Variants in CDH13 observed in about 807,000 individuals in gnomAD.
The protein encoded by CDH13 is cadherin 13.
A neutral mutation model predicts 63.8 loss-of-function variants in CDH13; 24 were observed. The observed-to-expected ratio is 0.38, with a 90% CI of 0.27 to 0.53. The LOEUF is 0.53. Ranked by LOEUF, CDH13 falls within the 20% of genes least tolerant of loss-of-function variation. The pLI is 0.85. For synonymous variants in CDH13, 503 were observed against 355.3 expected, an observed-to-expected ratio of 1.42 and a Z score of -4.67; for missense variants, 1,049 against 903.1, an observed-to-expected ratio of 1.16 and a Z score of -2.07.
intron 2 of CDH13, among the ~76,000 whole-genome samples, chr16:82,900,760 G>A (rs963810578): frequency 6.6e-6 from 1 of 152,202 alleles, no homozygotes; most frequent in South Asian, 2.1e-4. Context: ...ATTTCTGCCC[G>A]GCCGTTAGCT....
At chr16:83,747,320 C>G (rs1482560151) in intron 10 of CDH13, among the ~76,000 whole-genome samples, 1 of 152,098 alleles carries the variant, frequency 6.6e-6, no homozygotes, top group East Asian at 1.9e-4. Flanking sequence ...CCATGCTGTT[C>G]TCGTGATAGT....
At chr16:83,014,868 G>GTATATATATGTA (rs1914600968) in intron 2 of CDH13, among the ~76,000 whole-genome samples, 3 of 79,160 alleles carry the variant, frequency 3.8e-5, no homozygotes, top group Non-Finnish European at 4.8e-5. Context: ...ATATATATAT[G>GTATATATATGTA]TATATATATA....
chr16:83,261,241 C>T (rs751064477), intron 5 of CDH13, among the ~76,000 whole-genome samples: 1 of 152,130 alleles, frequency 6.6e-6, no homozygotes, highest in Non-Finnish European at 1.5e-5. Context: ...AACTAAGTGG[C>T]TTTGAGAGGA....
At chr16:82,718,824 G>A (rs758582948) in intron 1 of CDH13, among the ~76,000 whole-genome samples, 6 of 152,132 alleles carry the variant, frequency 3.9e-5, no homozygotes, top group African/African-American at 1.2e-4. Context: ...CCCAAAACAC[G>A]TGGGAATTAT....
chr16:83,464,607 G>A (rs1007342390), intron 6 of CDH13, among the ~76,000 whole-genome samples: 7 of 152,046 alleles, frequency 4.6e-5, no homozygotes, highest in East Asian at 1.9e-4. Context: ...TGATCCACCC[G>A]CCTTGAGCTC....
chr16:83,106,930 A>G (rs1045466176), intron 3 of CDH13, among the ~76,000 whole-genome samples: 4 of 152,130 alleles, frequency 2.6e-5, no homozygotes, highest in African/African-American at 9.7e-5. Context: ...CTGGTGTGGC[A>G]GTATGAGCCC....
At chr16:83,122,695 AT>A (rs919566765) in intron 3 of CDH13, among the ~76,000 whole-genome samples, 15 of 152,158 alleles carry the variant, frequency 9.9e-5, no homozygotes, top group Middle Eastern at 3.4e-3. Context: ...TATTTTTAAA[AT>A]TTTTTTTGAA....
At chr16:83,651,251 GAAC>G (rs1356427668) in intron 8 of CDH13, among the ~76,000 whole-genome samples, 2 of 152,138 alleles carry the variant, frequency 1.3e-5, no homozygotes, top group African/African-American at 4.8e-5. Flanking sequence ...GTTCCCAAAA[GAAC>G]AACGTGTATT....
chr16:82,707,665 G>C (rs1365302879), intron 1 of CDH13, among the ~76,000 whole-genome samples: 1 of 152,162 alleles, frequency 6.6e-6, no homozygotes. Context: ...CTCCAACATG[G>C]TTTTGGTAAC....
At chr16:83,532,335 G>A (rs1428638633) in intron 7 of CDH13, among the ~76,000 whole-genome samples, 1 of 152,170 alleles carries the variant, frequency 6.6e-6, no homozygotes, top group Non-Finnish European at 1.5e-5. Context: ...GATTAGAAGA[G>A]TTCCCATTGC....
At chr16:82,974,387 C>T (rs987106938) in intron 2 of CDH13, among the ~76,000 whole-genome samples, 1 of 152,160 alleles carries the variant, frequency 6.6e-6, no homozygotes, top group East Asian at 1.9e-4. Flanking sequence ...TCCCAACACC[C>T]TGAATAACTG....
Position 83,602,480 on chromosome 16 carries a change from G to A in CDH13, c.987G>A (p.Leu329=). ...RETLENPKYE[L]IIEAQDMAGL... ...CTCTGGAAAATCCCAAGTATGAACTGATCATCGAGGCTCAAGATATGGCTG... is the reference window on the plus strand; with the variant it reads ...CTCTGGAAAATCCCAAGTATGAACTAATCATCGAGGCTCAAGATATGGCTG... Residue 329 remains leucine, a synonymous_variant, in exon 8 of 14, where the codon CTG becomes CTA. Transcript: ENST00000567109. The A allele has an allele frequency of 1.2e-6, 2 of 1,613,940 alleles. No homozygotes were observed. The highest frequency in any genetic ancestry group is 1.7e-6 in the Non-Finnish European group (2 of 1,179,834).
chr16:83,622,713 A>G (rs990425123), intron 8 of CDH13, among the ~76,000 whole-genome samples: 8 of 152,208 alleles, frequency 5.3e-5, no homozygotes, highest in African/African-American at 1.4e-4. Flanking sequence ...ATCTTTTTAC[A>G]TTTATGATAG....
chr16:83,659,665 T>A (rs1399529833), intron 8 of CDH13, among the ~76,000 whole-genome samples: 1 of 152,182 alleles, frequency 6.6e-6, no homozygotes, highest in African/African-American at 2.4e-5. Flanking sequence ...TAATGTGTAG[T>A]CAGGGTTAAG....
chr16:82,940,754 A>C (rs935939482), intron 2 of CDH13, among the ~76,000 whole-genome samples: 5 of 152,274 alleles, frequency 3.3e-5, no homozygotes, highest in African/African-American at 1.2e-4. Context: ...TATTCCTACT[A>C]ATCAGAGATG....
chr16:83,553,611 C>G (rs2075550387), intron 7 of CDH13, among the ~76,000 whole-genome samples: 2 of 152,202 alleles, frequency 1.3e-5, no homozygotes, highest in African/African-American at 4.8e-5. Flanking sequence ...GGCTGGAGTG[C>G]TGAGGCACGG....
At chr16:82,652,829 G>C (rs1910885091) in intron 1 of CDH13, among the ~76,000 whole-genome samples, 1 of 150,500 alleles carries the variant, frequency 6.6e-6, no homozygotes. Flanking sequence ...GAATCTTTCT[G>C]TAACTGTGGG....
At chr16:83,473,939 G>C (rs1251914979) in intron 6 of CDH13, among the ~76,000 whole-genome samples, 1 of 152,114 alleles carries the variant, frequency 6.6e-6, no homozygotes, top group Non-Finnish European at 1.5e-5. Context: ...AATGCCCTGA[G>C]TCATCTGCTA....
At chr16:83,003,468 A>G (rs1245834146) in intron 2 of CDH13, among the ~76,000 whole-genome samples, 1 of 152,216 alleles carries the variant, frequency 6.6e-6, no homozygotes, top group African/African-American at 2.4e-5. Context: ...AGGGAGAATA[A>G]ATAAATGTAT....
Sources: allele counts gnomAD v4.1 joint callset (sites outside exome capture counted in the v4.1 genomes callset), GRCh38; gene constraint gnomAD v4.1.1; transcripts MANE v1.5; gene names NCBI Gene and HGNC (gene_info 2026-07-23, HGNC 2026-07-21).